GAB2: variants seen among roughly 807,000 people sequenced by gnomAD.
GAB2 encodes the protein GRB2 associated binding protein 2.
In GAB2, 26 loss-of-function variants were observed where a neutral mutation model predicts 65.5. The ratio of observed to expected loss-of-function variants is 0.40; its 90% CI spans 0.29 to 0.55. GAB2 has a LOEUF of 0.55. GAB2 is among the 20% of genes least tolerant of loss of function. The probability of loss-of-function intolerance (pLI) is 0.53; values close to 1 mark genes in which losing one functional copy is unlikely to be tolerated. For missense variants in GAB2, 884 were observed against 875.8 expected (o/e 1.01, Z -0.12); for synonymous variants, 321 against 329.6 (o/e 0.97, Z 0.28).
At chr11:78,253,518 T>A (rs1016382553) in intron 2 of GAB2, among the ~76,000 whole-genome samples, 1 of 152,186 alleles carries the variant, frequency 6.6e-6, no homozygotes, top group Non-Finnish European at 1.5e-5. Flanking sequence ...AGTCTTGAAC[T>A]TCTGGCCTTA....
chr11:78,297,085 G>A (rs1214436540), intron 1 of GAB2, among the ~76,000 whole-genome samples: 1 of 152,112 alleles, frequency 6.6e-6, no homozygotes, highest in African/African-American at 2.4e-5. Flanking sequence ...GTCCATACAT[G>A]GTGAGTATTG....
At chr11:78,324,916 T>C (rs1855795810) in intron 1 of GAB2, 1 of 152,216 alleles carries the variant, frequency 6.6e-6, no homozygotes, top group Non-Finnish European at 1.5e-5. Context: ...ACAGCTTCTA[T>C]CAGCTCATAA....
chr11:78,279,744 G>A (rs557555283), intron 2 of GAB2, among the ~76,000 whole-genome samples: 1 of 152,168 alleles, frequency 6.6e-6, no homozygotes, highest in Admixed American at 6.5e-5. Context: ...CATGTTTTCA[G>A]TACTTCATAC....
intron 1 of GAB2, among the ~76,000 whole-genome samples, chr11:78,346,694 T>TTTTTTTTTTTTAGGAAAAGAA (rs1856188260): frequency 1.1e-5 from 1 of 91,084 alleles, no homozygotes; most frequent in African/African-American, 7.3e-5. Flanking sequence ...TATATATATA[T>TTTTTTTTTTTTAGGAAAAGAA]ATATATATAT....
intron 3 of GAB2, 64 bp downstream of exon 3, chr11:78,250,093 A>G: frequency 6.5e-7 from 1 of 1,531,378 alleles, no homozygotes; most frequent in Non-Finnish European, 9.0e-7. Context: ...AAAAGCAAGG[A>G]CTGAAAAGTA....
intron 1 of GAB2, among the ~76,000 whole-genome samples, chr11:78,336,183 G>A (rs1038228421): frequency 4.6e-5 from 7 of 151,660 alleles, no homozygotes; most frequent in Non-Finnish European, 8.8e-5. Flanking sequence ...GCATAGTGGT[G>A]CACGCCTGTA....
At chr11:78,277,380 A>T (rs1296403764) in intron 2 of GAB2, among the ~76,000 whole-genome samples, 1 of 152,168 alleles carries the variant, frequency 6.6e-6, no homozygotes, top group Non-Finnish European at 1.5e-5. Context: ...CTCACCAGGA[A>T]TGTCAGGCAA....
chr11:78,287,470 G>T (rs1042755354), intron 1 of GAB2, among the ~76,000 whole-genome samples: 1 of 152,044 alleles, frequency 6.6e-6, no homozygotes, highest in Non-Finnish European at 1.5e-5. Context: ...AGAGATGGGG[G>T]TCTCACTATT....
chr11:78,340,069 A>AGTT, intron 1 of GAB2, among the ~76,000 whole-genome samples: 1 of 152,342 alleles, frequency 6.6e-6, no homozygotes, highest in Non-Finnish European at 1.5e-5. Context: ...AAGAACAAGC[A>AGTT]GTTGTGTTGA....
At chr11:78,326,381 T>A (rs574903620) in intron 1 of GAB2, among the ~76,000 whole-genome samples, 17 of 152,314 alleles carry the variant, frequency 1.1e-4, no homozygotes, top group Non-Finnish European at 2.5e-4. Flanking sequence ...GAGGACTTCA[T>A]TTCTGCATTT....
intron 1 of GAB2, among the ~76,000 whole-genome samples, chr11:78,366,387 C>T (rs1330519895): frequency 1.3e-5 from 2 of 151,922 alleles, no homozygotes; most frequent in Admixed American, 1.3e-4. Context: ...CAAGGCCAGC[C>T]TGGCCAACAT....
intron 1 of GAB2, among the ~76,000 whole-genome samples, chr11:78,409,460 T>C (rs527426821): frequency 6.6e-6 from 1 of 152,296 alleles, no homozygotes; most frequent in African/African-American, 2.4e-5. Flanking sequence ...GGCGCATGCC[T>C]GTAATCCCAA....
At chr11:78,326,202 T>C (rs1480782675) in intron 1 of GAB2, among the ~76,000 whole-genome samples, 1 of 152,234 alleles carries the variant, frequency 6.6e-6, no homozygotes, top group Non-Finnish European at 1.5e-5. Flanking sequence ...ACTTCATTAG[T>C]TTTTATGAAA....
intron 1 of GAB2, among the ~76,000 whole-genome samples, chr11:78,331,600 T>C (rs1855915388): frequency 6.6e-6 from 1 of 152,182 alleles, no homozygotes; most frequent in Admixed American, 6.5e-5. Flanking sequence ...CTCCAAAAGA[T>C]ATAATGTGTT....
In GAB2 at chr11:78,218,968, G is replaced by T. The variant is rs1864280761; in HGVS notation, c.*304C>A. ...CTCCAAACATCTGGTAGAGAGTCAG[G>T]TCTAAAGGACAGGAAGAGGCTGAAG... On this transcript the variant is annotated 3_prime_UTR_variant, in exon 10 of 10. Transcript: ENST00000361507. 1 of 319,516 alleles carries T rather than the reference G, an allele frequency of 3.1e-6. No individual in the cohort carries two copies. Among genetic ancestry groups the T allele is most frequent in the Non-Finnish European group, 5.8e-6 (1 of 171,590 alleles). The allele number at this position is 319,516 out of a possible 1,614,324, so 19.8% of individuals were successfully genotyped here.
rs576400785 is a variant in GAB2 at position 78,394,453 on chromosome 11, T to C, written c.75+23193A>G. 6.6e-5 allele frequency among the ~76,000 whole-genome samples: 10 copies of C among 152,200 alleles called. No homozygotes were observed. The East Asian group carries it at 1.5e-3, about 24-fold the overall frequency. ...TACTATAATGTGCTGTATTTTGGGG[T>C]GGTCCTCTCCCTACCCCACGGTGGG... On this transcript the variant is annotated intron_variant, in intron 1 of 9. Coordinates refer to ENST00000361507, the MANE Select transcript of GAB2 (RefSeq NM_080491.3).
At chr11:78,300,945 T>C (rs539133621) in intron 1 of GAB2, among the ~76,000 whole-genome samples, 3 of 152,306 alleles carry the variant, frequency 2.0e-5, no homozygotes, top group East Asian at 3.9e-4. Context: ...TCCACCTGCC[T>C]TGGCCTCCCA....
chr11:78,257,035 C>A (rs1472778497), intron 2 of GAB2, among the ~76,000 whole-genome samples: 2 of 151,366 alleles, frequency 1.3e-5, no homozygotes, highest in Non-Finnish European at 2.9e-5. Context: ...TTCCTGGCTT[C>A]TTTTTAGGGC....
intron 1 of GAB2, among the ~76,000 whole-genome samples, chr11:78,297,033 T>G (rs901067367): frequency 6.6e-6 from 1 of 152,162 alleles, no homozygotes; most frequent in Non-Finnish European, 1.5e-5. Flanking sequence ...ACATCAGGGA[T>G]AAGATTTCAA....
Sources: allele counts gnomAD v4.1 joint callset (sites outside exome capture counted in the v4.1 genomes callset), GRCh38; gene constraint gnomAD v4.1.1; transcripts MANE v1.5; gene names NCBI Gene and HGNC (gene_info 2026-07-23, HGNC 2026-07-21).